The following ARHGAP20 variants were observed in gnomAD, a reference collection of about 807,000 sequenced individuals.
The protein encoded by ARHGAP20 is Rho GTPase activating protein 20.
In ARHGAP20, 34 loss-of-function variants were observed where a neutral mutation model predicts 73.7. The observed-to-expected ratio is 0.46, with a 90% CI of 0.35 to 0.61. The LOEUF (loss-of-function observed/expected upper bound fraction) is 0.61. Among genes scored for constraint, ARHGAP20 ranks in the 20% least tolerant of loss-of-function variants. ARHGAP20 has a pLI of 0.00. For missense variants in ARHGAP20, 1,314 were observed against 1,420.9 expected (o/e 0.92, Z 1.21); for synonymous variants, 523 against 518.2 (o/e 1.01, Z -0.13).
intron 9 of ARHGAP20, among the ~76,000 whole-genome samples, chr11:110,597,769 G>T (rs1948007255): frequency 6.6e-6 from 1 of 152,196 alleles, no homozygotes; most frequent in Non-Finnish European, 1.5e-5. Flanking sequence ...ACTCTCAGCT[G>T]TAGCCATGCC....
intron 1 of ARHGAP20, among the ~76,000 whole-genome samples, chr11:110,691,681 T>C (rs1437118439): frequency 6.6e-6 from 1 of 152,168 alleles, no homozygotes; most frequent in East Asian, 1.9e-4. Context: ...GATGCTAGAC[T>C]TCTTTGGCAC....
chr11:110,588,342 G>C (rs560731581), intron 11 of ARHGAP20, among the ~76,000 whole-genome samples: 239 of 152,268 alleles, frequency 1.6e-3, no homozygotes, highest in South Asian at 5.6e-3. Flanking sequence ...TCAACGGTTT[G>C]ATGGATCAAA....
chr11:110,598,686 T>C (rs2134852416), intron 9 of ARHGAP20, among the ~76,000 whole-genome samples: 1 of 152,078 alleles, frequency 6.6e-6, no homozygotes, highest in East Asian at 1.9e-4. Context: ...CTGTCTGGAG[T>C]GGCTGCTGCC....
chr11:110,687,902 A>G (rs566737650), intron 2 of ARHGAP20, among the ~76,000 whole-genome samples: 3 of 152,242 alleles, frequency 2.0e-5, no homozygotes, highest in Non-Finnish European at 4.4e-5. Context: ...TCATGTAACA[A>G]GCACAGAAAA....
chr11:110,706,120 A>T (rs1376385903), intron 1 of ARHGAP20, among the ~76,000 whole-genome samples: 1 of 151,986 alleles, frequency 6.6e-6, no homozygotes, highest in Non-Finnish European at 1.5e-5. Context: ...AAGAATGTAT[A>T]CTCTTTTTTT....
At chr11:110,703,482 GATTCATTCATATATATTC>G (rs1950496575) in intron 1 of ARHGAP20, among the ~76,000 whole-genome samples, 1 of 150,576 alleles carries the variant, frequency 6.6e-6, no homozygotes, top group Non-Finnish European at 1.5e-5. Flanking sequence ...CATATATATG[GATTCATTCATATATATTC>G]ATTCATATAT....
intron 9 of ARHGAP20, among the ~76,000 whole-genome samples, chr11:110,597,486 T>A (rs537644641): frequency 1.1e-4 from 16 of 152,142 alleles, no homozygotes; most frequent in African/African-American, 3.4e-4. Context: ...TTGATTTTTA[T>A]TTATTATTAT....
chr11:110,642,271 C>G (rs181645629), intron 2 of ARHGAP20, among the ~76,000 whole-genome samples: 1 of 152,106 alleles, frequency 6.6e-6, no homozygotes, highest in East Asian at 1.9e-4. Flanking sequence ...TATTTGGATG[C>G]CTTTTATTTC....
chr11:110,683,105 G>A (rs561495090), intron 2 of ARHGAP20, among the ~76,000 whole-genome samples: 4 of 152,130 alleles, frequency 2.6e-5, no homozygotes, highest in African/African-American at 7.2e-5. Flanking sequence ...GTGGTAACAG[G>A]TTGTTACCCA....
chr11:110,580,837 G>A lies in ARHGAP20; in HGVS notation c.2109C>T (p.Cys703=), dbSNP rs750242669. 4 of 1,613,962 alleles carry A rather than the reference G, an allele frequency of 2.5e-6. No homozygotes were observed. In the East Asian group the frequency reaches 6.7e-5, roughly 27 times the overall value. The change falls in exon 15 of 15, where the codon TGC becomes TGT. Residue 703 remains cysteine (C), a synonymous_variant. Coordinates refer to ENST00000683387, the MANE Select transcript of ARHGAP20 (RefSeq NM_001384657.1). ...CCAGATAGTCGATGCTGGGCTCTGA[G>A]CAACGCCGGTGTCGCCTCAGGCTTT... The part of the protein sequence containing the change: ...AAKSLRRHRR[C]SEPSIDYLDS...
chr11:110,581,337 GA>G, intron 14 of ARHGAP20, 112 bp from the exon 15 acceptor site: 3 of 1,144,376 alleles, frequency 2.6e-6, no homozygotes, highest in Non-Finnish European at 3.6e-6. Context: ...CTACTCTCAA[GA>G]AAGAGAGAAT....
chr11:110,703,966 C>T (rs974211966), intron 1 of ARHGAP20, among the ~76,000 whole-genome samples: 5 of 152,312 alleles, frequency 3.3e-5, no homozygotes, highest in Non-Finnish European at 5.9e-5. Flanking sequence ...TCCATCCACT[C>T]GCCTGAAGGC....
At chr11:110,705,797 GT>G (rs1464325407) in intron 1 of ARHGAP20, among the ~76,000 whole-genome samples, 1 of 152,132 alleles carries the variant, frequency 6.6e-6, no homozygotes, top group Non-Finnish European at 1.5e-5. Context: ...TTAGGATTCA[GT>G]GCACCCACAC....
chr11:110,669,486 A>G (rs1044330810), intron 2 of ARHGAP20, among the ~76,000 whole-genome samples: 9 of 152,108 alleles, frequency 5.9e-5, no homozygotes, highest in African/African-American at 2.2e-4. Flanking sequence ...AAAAAAACCC[A>G]ACACAAAATG....
At chr11:110,680,414 G>A (rs1027287141) in intron 2 of ARHGAP20, among the ~76,000 whole-genome samples, 1 of 152,136 alleles carries the variant, frequency 6.6e-6, no homozygotes, top group African/African-American at 2.4e-5. Context: ...ATCATGTAAT[G>A]CCAAAACTCT....
intron 2 of ARHGAP20, among the ~76,000 whole-genome samples, chr11:110,638,831 C>G (rs957952742): frequency 1.3e-5 from 2 of 151,814 alleles, no homozygotes; most frequent in Non-Finnish European, 2.9e-5. Context: ...AGGGGAACAT[C>G]ACACACTGGG....
intron 8 of ARHGAP20, 109 bp from the exon 9 acceptor site, chr11:110,606,858 A>G (rs1317744281): frequency 1.0e-6 from 1 of 965,264 alleles, no homozygotes; most frequent in African/African-American, 1.7e-5. Context: ...TTTGGCATAA[A>G]GAATCCCTTT....
chr11:110,701,813 T>C (rs545987967), intron 1 of ARHGAP20, among the ~76,000 whole-genome samples: 1,947 of 152,074 alleles, frequency 0.013, 50 homozygotes, highest in African/African-American at 0.045. Flanking sequence ...CTAGCCAGTT[T>C]TCCCAGCACC....
chr11:110,654,012 T>A (rs1055710900), intron 2 of ARHGAP20, among the ~76,000 whole-genome samples: 2 of 151,722 alleles, frequency 1.3e-5, no homozygotes, highest in Non-Finnish European at 2.9e-5. Flanking sequence ...TAAGAACACA[T>A]GGACACAGGG....
Sources: allele counts gnomAD v4.1 joint callset (sites outside exome capture counted in the v4.1 genomes callset), GRCh38; gene constraint gnomAD v4.1.1; transcripts MANE v1.5; gene names NCBI Gene and HGNC (gene_info 2026-07-23, HGNC 2026-07-21).